APC: variants seen among roughly 807,000 people sequenced by gnomAD.
APC encodes the protein adenomatous polyposis coli protein.
In APC, 72 loss-of-function variants were observed where a neutral mutation model predicts 247.0. That is an observed-to-expected ratio of 0.29 (90% CI 0.24 to 0.35). The LOEUF (loss-of-function observed/expected upper bound fraction) is 0.35. APC is among the 10% of genes least tolerant of loss of function. APC has a pLI of 1.00. For synonymous variants in APC, 1,254 were observed against 1,162.5 expected (o/e 1.08, Z -1.60); for missense variants, 3,400 against 3,360.7 (o/e 1.01, Z -0.29).
In APC at chr5:112,767,191, C is replaced by G. The variant is rs760790156; in HGVS notation, c.223C>G (p.Leu75Val). 6.2e-7 allele frequency: 1 copy of G among 1,612,606 alleles called. No homozygotes were observed. Among genetic ancestry groups the G allele is most frequent in the Admixed American group, 1.7e-5 (1 of 60,018 alleles). ...QIDLLERLKELNLDSSNFPGV... is the reference protein window; with the variant it reads ...QIDLLERLKEVNLDSSNFPGV... The stretch of plus-strand genomic sequence containing the variant: ...AAACTTGTTTCTATTTTATTTAGAG[C>G]TTAACTTAGATAGCAGTAATTTCCC... Residue 75 changes from leucine to valine, a missense_variant and splice_region_variant, in exon 4 of 16, where the codon CTT becomes GTT. Leu to Val is a conservative substitution (Grantham distance 32). This residue lies in a region of APC where 372 missense variants were observed against 367.6 expected (regional missense o/e 1.01). Transcript: ENST00000257430.
chr5:112,830,685 A>G (rs763852395), intron 14 of APC, among the ~76,000 whole-genome samples: 2 of 152,240 alleles, frequency 1.3e-5, no homozygotes, highest in Non-Finnish European at 2.9e-5. Flanking sequence ...GAATATTTGT[A>G]CAAAGTAATA....
chr5:112,802,889 G>C (rs556788204), intron 8 of APC, among the ~76,000 whole-genome samples: 2 of 151,948 alleles, frequency 1.3e-5, no homozygotes, highest in African/African-American at 4.8e-5. Flanking sequence ...TTATATACCA[G>C]CTATTTAAAG....
Position 112,729,891 on chromosome 5 carries a change from T to C in APC, c.165+22009T>C, listed in dbSNP as rs1292893695. On this transcript the variant is annotated intron_variant, in intron 1 of 13. Coordinates refer to the APC transcript ENST00000507379. ...TCTTACAAGGGCAGTGAAACAGAACTAACTTAGGGTAGCTGAGTTGTTGAG... is the reference window on the plus strand; with the variant it reads ...TCTTACAAGGGCAGTGAAACAGAACCAACTTAGGGTAGCTGAGTTGTTGAG... Among the ~76,000 whole-genome samples the C allele has an allele frequency of 2.0e-5, 3 of 152,234 alleles. No homozygotes were observed. In the East Asian group the frequency reaches 5.8e-4, roughly 29 times the overall value.
At position 112,815,522 on chromosome 5, in the gene APC, A is replaced by G. The variant is rs199535736; in HGVS notation, c.862A>G (p.Thr288Ala). 1.9e-6 allele frequency: 3 copies of G among 1,612,340 alleles called. No homozygotes were observed. The highest frequency in any genetic ancestry group is 2.5e-6 in the Non-Finnish European group (3 of 1,178,824). The change falls in exon 9 of 16, where the codon ACA becomes GCA. Residue 288 changes from threonine (T) to alanine (A), a missense_variant. By Grantham distance (58) the Thr-to-Ala change is moderately conservative. Transcript: ENST00000257430. ...TTCAACTACACGAATGGACCATGAAACAGCCAGTGTTTTGAGTTCTAGTAG... is the reference window on the plus strand; with the variant it reads ...TTCAACTACACGAATGGACCATGAAGCAGCCAGTGTTTTGAGTTCTAGTAG... ...QGSTTRMDHE[T>A]ASVLSSSSTH...
At chr5:112,809,069 C>T (rs1761712425) in intron 8 of APC, among the ~76,000 whole-genome samples, 2 of 152,028 alleles carry the variant, frequency 1.3e-5, no homozygotes, top group Admixed American at 6.6e-5. Context: ...AGCAGAAATG[C>T]ACCTGGGTGC....
intron 9 of APC, 111 bp from the exon 10 acceptor site, chr5:112,818,855 G>GGTGTTTTGTTTTTTT: frequency 8.9e-7 from 1 of 1,118,296 alleles, no homozygotes; most frequent in South Asian, 1.4e-5. Context: ...GGCGGGGGGG[G>GGTGTTTTGTTTTTTT]TTGTTTTGTT....
At chr5:112,800,863 T>C (rs543421053) in intron 7 of APC, among the ~76,000 whole-genome samples, 5 of 152,226 alleles carry the variant, frequency 3.3e-5, no homozygotes, top group African/African-American at 1.2e-4. Flanking sequence ...TGTGAAAATA[T>C]ACCTAAGTAG....
At position 112,743,420 on chromosome 5, in the gene APC, A is replaced by C. The variant is rs77465371; in HGVS notation, c.-19+5495A>C. On this transcript the variant is annotated intron_variant, in intron 1 of 15. Transcript: ENST00000257430. Reference sequence around the variant, plus strand: ...CACAGGCATACTCATCTGGTTCTCCATTTTTTTTAAGCTGAAGGATTTTTT... The same window carrying C: ...CACAGGCATACTCATCTGGTTCTCCCTTTTTTTTAAGCTGAAGGATTTTTT... 6.6e-6 allele frequency among the ~76,000 whole-genome samples: 1 copy of C among 151,894 alleles called. No homozygotes were observed. Among genetic ancestry groups the C allele is most frequent in the African/African-American group, 2.4e-5 (1 of 41,302 alleles).
intron 2 of APC, among the ~76,000 whole-genome samples, chr5:112,762,429 C>T (rs1755777675): frequency 6.6e-6 from 1 of 152,192 alleles, no homozygotes; most frequent in South Asian, 2.1e-4. Flanking sequence ...AGACTGGTAA[C>T]AGCCCAGATG....
chr5:112,723,854 T>C (rs955803166), intron 1 of APC, among the ~76,000 whole-genome samples: 6 of 152,216 alleles, frequency 3.9e-5, no homozygotes, highest in African/African-American at 1.4e-4. Flanking sequence ...CCCCCACTGC[T>C]ACTCTTTGCC....
At position 112,756,355 on chromosome 5, in the gene APC, A is replaced by C. The variant is rs75078687; in HGVS notation, c.135+1330A>C. On this transcript the variant is annotated intron_variant, in intron 2 of 15. Coordinates refer to ENST00000257430, the MANE Select transcript of APC (RefSeq NM_000038.6). ...TCAAATCCCTTGGGAAATAAGGTAG[A>C]CTATAAACAAACATTTTATTCTTTC... Among the ~76,000 whole-genome samples the C allele has an allele frequency of 3.5e-4, 53 of 151,504 alleles. 2 individuals carry two copies. The Middle Eastern group carries it at 0.01, about 29-fold the overall frequency.
chr5:112,818,890 C>A (rs1192889734), intron 9 of APC, 76 bp from the exon 10 acceptor site: 2 of 1,455,574 alleles, frequency 1.4e-6, no homozygotes, highest in South Asian at 1.1e-5. Context: ...GTAAATATCC[C>A]ATTCATCACT....
At chr5:112,817,942 C>A (rs1368095371) in intron 9 of APC, among the ~76,000 whole-genome samples, 1 of 152,186 alleles carries the variant, frequency 6.6e-6, no homozygotes, top group African/African-American at 2.4e-5. Context: ...ACTTTCATAT[C>A]TAAAGGTGTA....
chr5:112,715,217 T>C (rs552217996), intron 1 of APC, among the ~76,000 whole-genome samples: 1 of 152,340 alleles, frequency 6.6e-6, no homozygotes, highest in Non-Finnish European at 1.5e-5. Flanking sequence ...CAAATATTTT[T>C]GAAGCCTGCT....
At chr5:112,769,444 A>C (rs1157590389) in intron 4 of APC, among the ~76,000 whole-genome samples, 1 of 152,192 alleles carries the variant, frequency 6.6e-6, no homozygotes, top group Non-Finnish European at 1.5e-5. Flanking sequence ...TAGTGTATTA[A>C]TTCTTCTCTT....
At chr5:112,766,677 G>T (rs913349970) in intron 3 of APC, among the ~76,000 whole-genome samples, 1 of 152,064 alleles carries the variant, frequency 6.6e-6, no homozygotes, top group Non-Finnish European at 1.5e-5. Context: ...TGTAAAGCTT[G>T]TTGCTATTCT....
intron 1 of APC, among the ~76,000 whole-genome samples, chr5:112,710,001 C>T (rs1045727966): frequency 6.6e-6 from 1 of 152,168 alleles, no homozygotes; most frequent in East Asian, 1.9e-4. Flanking sequence ...CTTTGTCTCC[C>T]TGTTCTTCCA....
In APC at chr5:112,838,869, A is replaced by G. The variant is rs587779788; in HGVS notation, c.3275A>G (p.His1092Arg). The G allele has an allele frequency of 3.7e-6, 6 of 1,614,166 alleles. No individual in the cohort carries two copies. Among genetic ancestry groups the G allele is most frequent in the Non-Finnish European group, 5.1e-6 (6 of 1,180,030 alleles). Reference sequence around the variant, plus strand: ...GATAAACACCTCAAGTTCCAACCACATTTTGGACAGCAGGAATGTGTTTCT... The same window carrying G: ...GATAAACACCTCAAGTTCCAACCACGTTTTGGACAGCAGGAATGTGTTTCT... ...TDDKHLKFQP[H>R]FGQQECVSPY... The change falls in exon 16 of 16, where the codon CAT becomes CGT. Residue 1092 changes from histidine to arginine, a missense_variant. Coordinates refer to ENST00000257430, the MANE Select transcript of APC (RefSeq NM_000038.6).
intron 8 of APC, among the ~76,000 whole-genome samples, chr5:112,806,703 G>T (rs1761433753): frequency 6.6e-6 from 1 of 151,966 alleles, no homozygotes; most frequent in African/African-American, 2.4e-5. Flanking sequence ...GTCATTCTTG[G>T]ATAGTTGGGA....
Sources: allele counts gnomAD v4.1 joint callset (sites outside exome capture counted in the v4.1 genomes callset), GRCh38; gene constraint gnomAD v4.1.1; regional missense constraint gnomAD v4.1.1; transcripts MANE v1.5; gene names NCBI Gene and HGNC (gene_info 2026-07-23, HGNC 2026-07-21).